Variants in DYNLL2 observed in about 807,000 individuals in gnomAD.
DYNLL2 encodes dynein light chain 2, cytoplasmic.
A neutral mutation model predicts 9.7 loss-of-function variants in DYNLL2; 1 was observed. The observed-to-expected ratio is 0.10, with a 90% confidence interval of 0.04 to 0.49. DYNLL2 has a LOEUF of 0.49. Ranked by LOEUF, DYNLL2 falls within the 20% of genes least tolerant of loss-of-function variation. The pLI, the probability that DYNLL2 is intolerant of heterozygous loss-of-function variation, is 0.95. For synonymous variants in DYNLL2, 35 were observed against 40.5 expected (o/e 0.86, Z 0.52); for missense variants, 37 against 115.2 (o/e 0.32, Z 3.11).
intron 1 of DYNLL2, among the ~76,000 whole-genome samples, chr17:58,084,159 GGGGCCTGCGGACCTGGCCGGCGGCGC>G (rs1047365715): frequency 5.3e-5 from 8 of 152,076 alleles, no homozygotes; most frequent in African/African-American, 1.2e-4. Flanking sequence ...CCGACCGGCC[GGGGCCTGCGGACCTGGCCGGCGGCGC>G]GGGCGGGAGG....
rs1266259975 is a variant in DYNLL2, at chr17:58,095,256, C to T, written c.*5977C>T. The T allele has an allele frequency of 6.6e-6, 1 of 152,156 alleles. No individual in the cohort carries two copies. The highest frequency in any genetic ancestry group is 1.5e-5 in the Non-Finnish European group (1 of 68,028). The allele number at this position is 152,156 out of a possible 1,614,324, so 9.4% of individuals were successfully genotyped here. A position where few individuals can be genotyped will look rare whatever the true frequency, so the allele number is the denominator to read the frequency against. ...GAACTCTGCCATTCCAGTGTGAGAG[C>T]AGCCATAGATAATATGTAAACAAAT... On this transcript the variant is annotated 3_prime_UTR_variant, in exon 3 of 3. Coordinates refer to ENST00000579991, the MANE Select transcript of DYNLL2 (RefSeq NM_080677.3).
chr17:58,089,119 T>A, intron 2 of DYNLL2, 23 bp from the exon 3 acceptor site: 2 of 1,612,656 alleles, frequency 1.2e-6, no homozygotes, highest in Non-Finnish European at 1.7e-6. Context: ...TTACCTTTCT[T>A]CTCTACCTTT....
rs529130516 is a variant in DYNLL2 at position 58,092,938 on chromosome 17, C to T, written c.*3659C>T. 1 of 152,232 alleles carries T rather than the reference C, an allele frequency of 6.6e-6. No homozygotes were observed. Among genetic ancestry groups the T allele is most frequent in the African/African-American group, 2.4e-5 (1 of 41,456 alleles). The allele number at this position is 152,232 out of a possible 1,614,324, so 9.4% of individuals were successfully genotyped here. On this transcript the variant is annotated 3_prime_UTR_variant, in exon 3 of 3. Transcript: ENST00000579991. ...TTCTGACATCCTGTGCAAGATAGCA[C>T]CTCTCCCCCATCGCTGTTATCCTTA...
rs968037460 is a variant in DYNLL2, at chr17:58,092,880, T to A, written c.*3601T>A. On this transcript the variant is annotated 3_prime_UTR_variant, in exon 3 of 3. Transcript: ENST00000579991. ...AAATTATTCTCTCACCTCCTTTCAG[T>A]CTTTGCTCAAACATCCTTTTATCAG... 1.3e-5 allele frequency: 2 copies of A among 152,276 alleles called. No homozygotes were observed. Among genetic ancestry groups the A allele is most frequent in the African/African-American group, 4.8e-5 (2 of 41,464 alleles). The allele number at this position is 152,276 out of a possible 1,614,324, so 9.4% of individuals were successfully genotyped here.
chr17:58,087,075 T>C lies in DYNLL2; in HGVS notation c.-9-7T>C. Reference sequence around the variant, plus strand: ...TTGTCAGCCTTACCTCTCTGCTCCTTCTGTAGTGTCACACCATGTCTGACC... The same window carrying C: ...TTGTCAGCCTTACCTCTCTGCTCCTCCTGTAGTGTCACACCATGTCTGACC... On this transcript the variant is annotated splice_polypyrimidine_tract_variant and splice_region_variant and intron_variant, in intron 1 of 2. Coordinates refer to ENST00000579991, the MANE Select transcript of DYNLL2 (RefSeq NM_080677.3). The C allele has an allele frequency of 1.9e-6, 3 of 1,612,706 alleles. No homozygotes were observed. The highest frequency in any genetic ancestry group is 2.5e-6 in the Non-Finnish European group (3 of 1,178,696).
rs1285405611 is a variant in DYNLL2 at position 58,089,037 on chromosome 17, A to C, written c.133-105A>C. ...TGAGGGATGGGGTGGGGGTGATAAC[A>C]ACCAAACGTGTCGGTGCTGGAGTTG... On this transcript the variant is annotated intron_variant, in intron 2 of 2. Transcript: ENST00000579991. The C allele has an allele frequency of 2.8e-6, 4 of 1,453,284 alleles. No individual in the cohort carries two copies. In the African/African-American group the frequency reaches 5.7e-5, roughly 21 times the overall value. 90.0% of individuals were successfully genotyped at this position (1,453,284 alleles called of 1,614,324 possible).
At position 58,089,759 on chromosome 17, in the gene DYNLL2, G is replaced by A; in HGVS notation, c.*480G>A. On this transcript the variant is annotated 3_prime_UTR_variant, in exon 3 of 3. Coordinates refer to ENST00000579991, the MANE Select transcript of DYNLL2 (RefSeq NM_080677.3). ...AGTGTTGGGATTGTCAAGGAAAAAG[G>A]GGTAGGAAGGAAGGTGGAGGGATTG... The A allele has an allele frequency of 2.5e-6, 1 of 401,386 alleles. No individual in the cohort carries two copies. Among genetic ancestry groups the A allele is most frequent in the Admixed American group, 4.4e-5 (1 of 22,810 alleles). 24.9% of individuals were successfully genotyped at this position (401,386 alleles called of 1,614,324 possible).
At position 58,092,728 on chromosome 17, in the gene DYNLL2, A is replaced by G. The variant is rs1309093243; in HGVS notation, c.*3449A>G. The G allele has an allele frequency of 1.3e-5, 2 of 152,294 alleles. No individual in the cohort carries two copies. The highest frequency in any genetic ancestry group is 2.1e-4 in the South Asian group (1 of 4,818). The allele number at this position is 152,294 out of a possible 1,614,324, so 9.4% of individuals were successfully genotyped here. A position where few individuals can be genotyped will look rare whatever the true frequency, so the allele number is the denominator to read the frequency against. On this transcript the variant is annotated 3_prime_UTR_variant, in exon 3 of 3. Transcript: ENST00000579991. Reference sequence around the variant, plus strand: ...AGCAGGAAAGGGCAAGGTGGTGACAATCTAAGGGAGGCAAATGGATAATAA... The same window carrying G: ...AGCAGGAAAGGGCAAGGTGGTGACAGTCTAAGGGAGGCAAATGGATAATAA...
Position 58,089,126 on chromosome 17 carries a change from C to G in DYNLL2, c.133-16C>G. ...TACCCTAATTACCTTTCTTCTCTAC[C>G]TTTGTTCTTTTTTAGGAATTTGACA... is the stretch of plus-strand genomic sequence containing the variant. On this transcript the variant is annotated splice_polypyrimidine_tract_variant and intron_variant, in intron 2 of 2. Coordinates refer to ENST00000579991, the MANE Select transcript of DYNLL2 (RefSeq NM_080677.3). 1 of 1,612,674 alleles carries G rather than the reference C, an allele frequency of 6.2e-7. No homozygotes were observed. The highest frequency in any genetic ancestry group is 8.5e-7 in the Non-Finnish European group (1 of 1,178,762).
chr17:58,084,352 T>C (rs896408956), intron 1 of DYNLL2, among the ~76,000 whole-genome samples: 1 of 151,990 alleles, frequency 6.6e-6, no homozygotes, highest in East Asian at 1.9e-4. Flanking sequence ...TGGTGGTCCG[T>C]GTCATTCGGA....
rs2075742643 is a variant in DYNLL2 at position 58,083,461 on chromosome 17, G to GGGCGGGCGGGCGGGCGGCGTGA, written c.-226_-205dup. 1 of 127,658 alleles carries GGGCGGGCGGGCGGGCGGCGTGA rather than the reference G, an allele frequency of 7.8e-6. No homozygotes were observed. Among genetic ancestry groups the GGGCGGGCGGGCGGGCGGCGTGA allele is most frequent in the African/African-American group, 3.3e-5 (1 of 30,442 alleles). 7.9% of individuals were successfully genotyped at this position (127,658 alleles called of 1,614,324 possible). A position where few individuals can be genotyped will look rare whatever the true frequency, so the allele number is the denominator to read the frequency against. ...GAGCTGTGAGGCGCCAGTGCGGAGCGGGCGGGCGGGCGGGCGGCGTGAGGC... is the reference window on the plus strand; with the variant it reads ...GAGCTGTGAGGCGCCAGTGCGGAGCGGGCGGGCGGGCGGGCGGCGTGAGGCGGGCGGGCGGGCGGCGTGAGGC... On this transcript the variant is annotated 5_prime_UTR_variant, in exon 1 of 3. Coordinates refer to ENST00000579991, the MANE Select transcript of DYNLL2 (RefSeq NM_080677.3).
intron 1 of DYNLL2, among the ~76,000 whole-genome samples, chr17:58,086,702 C>G (rs1440897349): frequency 6.6e-6 from 1 of 152,146 alleles, no homozygotes; most frequent in Non-Finnish European, 1.5e-5. Context: ...CCCTTAGTCC[C>G]CATTTTACAG....
At position 58,093,148 on chromosome 17, in the gene DYNLL2, A is replaced by G. The variant is rs770374152; in HGVS notation, c.*3869A>G. ...TTGATACATACAGATTGCTCAAATG[A>G]AAAAAGAAGGGTGCGAGCAAGCCTG... On this transcript the variant is annotated 3_prime_UTR_variant, in exon 3 of 3. Transcript: ENST00000579991. 6 of 152,238 alleles carry G rather than the reference A, an allele frequency of 3.9e-5. No individual in the cohort carries two copies. Among genetic ancestry groups the G allele is most frequent in the Non-Finnish European group, 5.9e-5 (4 of 68,038 alleles). 9.4% of individuals were successfully genotyped at this position (152,238 alleles called of 1,614,324 possible).
chr17:58,087,433 TG>T (rs2075764242), intron 2 of DYNLL2, among the ~76,000 whole-genome samples: 2 of 152,054 alleles, frequency 1.3e-5, no homozygotes, highest in African/African-American at 4.8e-5. Context: ...CAGGTGTGTG[TG>T]TGTGTGTGTG....
intron 1 of DYNLL2, among the ~76,000 whole-genome samples, chr17:58,085,624 C>T (rs1055730853): frequency 6.6e-6 from 1 of 152,176 alleles, no homozygotes; most frequent in African/African-American, 2.4e-5. Flanking sequence ...TGCCACCTGT[C>T]AGGCACGTCC....
At chr17:58,085,584 C>T (rs1480736236) in intron 1 of DYNLL2, among the ~76,000 whole-genome samples, 1 of 152,138 alleles carries the variant, frequency 6.6e-6, no homozygotes, top group Non-Finnish European at 1.5e-5. Context: ...AGGGCTCATC[C>T]CCTCTGTTCC....
intron 1 of DYNLL2, among the ~76,000 whole-genome samples, chr17:58,085,714 C>T (rs866987836): frequency 2.6e-5 from 4 of 152,114 alleles, no homozygotes; most frequent in Non-Finnish European, 4.4e-5. Flanking sequence ...ATGGCATGGC[C>T]TTGATAGCAG....
At chr17:58,087,391 G>A (rs965341440) in intron 2 of DYNLL2, among the ~76,000 whole-genome samples, 169 bp downstream of exon 2, 2 of 151,596 alleles carry the variant, frequency 1.3e-5, no homozygotes, top group Admixed American at 6.6e-5. Flanking sequence ...AATTGCCCAA[G>A]CATTCACCTT....
At chr17:58,084,989 C>T (rs970480484) in intron 1 of DYNLL2, among the ~76,000 whole-genome samples, 4 of 152,208 alleles carry the variant, frequency 2.6e-5, no homozygotes, top group African/African-American at 9.6e-5. Context: ...CCCCATTTAT[C>T]TCATTTCAAC....
Sources: gnomAD v4.1 joint callset for allele counts (sites outside exome capture counted in the v4.1 genomes callset) on GRCh38, gnomAD v4.1.1 for gene constraint, MANE v1.5 for transcripts, NCBI Gene and HGNC (gene_info 2026-07-23, HGNC 2026-07-21) for gene names.